The following GEMIN8 variants were observed in gnomAD, a reference collection of about 807,000 sequenced individuals.
GEMIN8 encodes gem-associated protein 8.
For synonymous variants in GEMIN8, 80 were observed against 78.5 expected (o/e 1.02, Z -0.10); for missense variants, 185 against 205.9 (o/e 0.90, Z 0.62).
intron 4 of GEMIN8, among the ~76,000 whole-genome samples, chrX:14,011,529 T>C (rs1407643098): frequency 5.4e-5 from 5 of 91,874 alleles, no homozygotes; most frequent in African/African-American, 2.1e-4. Flanking sequence ...TTTTTTTTTT[T>C]TTTTTTTTTT....
At chrX:13,991,712 G>GCA in the GEMIN8 span, among the ~76,000 whole-genome samples, 1 of 97,548 alleles carries the variant, frequency 1.0e-5, no homozygotes, top group Admixed American at 1.1e-4. Flanking sequence ...TGACATACAC[G>GCA]CACACACACA....
intron 4 of GEMIN8, chrX:14,014,202 C>A: frequency 1.3e-6 from 1 of 751,666 alleles, no homozygotes; most frequent in Non-Finnish European, 1.6e-6. Context: ...ACTAGTACAT[C>A]TTTCTGATTA....
chrX:14,009,055 C>G lies in GEMIN8; in HGVS notation c.587G>C (p.Arg196Pro). The change falls in exon 5 of 5, where the codon CGG (arginine) becomes CCG (proline). Residue 196 changes from arginine to proline, a missense_variant. Coordinates refer to ENST00000680255, the MANE Select transcript of GEMIN8 (RefSeq NM_001042479.2). ...VEAPTERPGE[R>P]RQAEMKRLYG... is the part of the protein sequence containing the mutation. The stretch of plus-strand genomic sequence containing the variant: ...CAAACGCTTCATCTCGGCCTGGCGC[C>G]GCTCACCAGGCCTCTCAGTTGGGGC... 2 of 1,211,861 alleles carry G rather than the reference C, an allele frequency of 1.7e-6. No individual in the cohort carries two copies. The highest frequency in any genetic ancestry group is 2.2e-6 in the Non-Finnish European group (2 of 895,245).
chrX:13,997,027 C>T, the GEMIN8 span, among the ~76,000 whole-genome samples: 8 of 106,161 alleles, frequency 7.5e-5, no homozygotes, highest in South Asian at 8.9e-4. Flanking sequence ...CTGCAACCTC[C>T]ACCTCCCGGG....
At chrX:14,026,465 T>G in intron 1 of GEMIN8, 8 of 634,415 alleles carry the variant, frequency 1.3e-5, no homozygotes, top group Non-Finnish European at 1.5e-5. Context: ...TTGAATGATA[T>G]ATTTTTCCAT....
chrX:14,017,754 CCT>C (rs1924030403), intron 4 of GEMIN8, among the ~76,000 whole-genome samples: 1 of 111,918 alleles, frequency 8.9e-6, no homozygotes, highest in African/African-American at 3.3e-5. Context: ...CGGATTTTGC[CCT>C]TTTTATAAGG....
the GEMIN8 span, among the ~76,000 whole-genome samples, chrX:13,985,513 G>A: frequency 7.1e-5 from 8 of 112,004 alleles, no homozygotes; most frequent in Middle Eastern, 0.014. Flanking sequence ...ACTTCCTTAC[G>A]TTCTTAATAT....
chrX:13,990,314 C>T, the GEMIN8 span, among the ~76,000 whole-genome samples: 10 of 112,550 alleles, frequency 8.9e-5, no homozygotes, highest in South Asian at 3.3e-3. Context: ...TGTTGTTGAG[C>T]GCATCTGCTC....
chrX:14,008,617 C>T lies in GEMIN8; in HGVS notation c.*296G>A. On this transcript the variant is annotated 3_prime_UTR_variant, in exon 5 of 5. Coordinates refer to ENST00000680255, the MANE Select transcript of GEMIN8 (RefSeq NM_001042479.2). The stretch of plus-strand genomic sequence containing the variant: ...AAAAGCAAAACACCAGGCAGTATCT[C>T]TAGGCAAGAACGTTAATGAATTGAA... 1 of 310,861 alleles carries T rather than the reference C, an allele frequency of 3.2e-6. No homozygotes were observed. The allele number at this position is 310,861 out of a possible 1,213,427, so 25.6% of individuals were successfully genotyped here.
chrX:14,001,824 C>T (rs1046634792), downstream of GEMIN8, among the ~76,000 whole-genome samples: 1 of 102,692 alleles, frequency 9.7e-6, no homozygotes, highest in Admixed American at 1.0e-4. Flanking sequence ...ACATGTGCTT[C>T]TTAAAAGTCC....
chrX:14,008,458 C>T lies in GEMIN8; in HGVS notation c.*455G>A, dbSNP rs1316475446. 1 of 125,128 alleles carries T rather than the reference C, an allele frequency of 8.0e-6. No homozygotes were observed. The highest frequency in any genetic ancestry group is 8.6e-5 in the Admixed American group (1 of 11,618). The allele number at this position is 125,128 out of a possible 1,213,427, so 10.3% of individuals were successfully genotyped here. On this transcript the variant is annotated 3_prime_UTR_variant, in exon 5 of 5. Transcript: ENST00000680255. ...ATAGAACATGCATCCCTCTCCACTA[C>T]AGGTAGTGGTATTTGTCTCACTACA...
intron 1 of GEMIN8, chrX:14,026,496 G>A: frequency 2.4e-6 from 1 of 412,646 alleles, no homozygotes; most frequent in South Asian, 1.2e-4. Context: ...TTAAAAAACG[G>A]ATTTACACTT....
intron 4 of GEMIN8, 72 bp downstream of exon 4, chrX:14,020,006 T>C: frequency 1.8e-6 from 1 of 569,425 alleles, no homozygotes; most frequent in East Asian, 3.3e-5. Context: ...AATTACTTTA[T>C]ATATTAGAGA....
chrX:14,004,766 T>C (rs780733909), downstream of GEMIN8, among the ~76,000 whole-genome samples: 6 of 111,783 alleles, frequency 5.4e-5, no homozygotes, highest in Non-Finnish European at 9.4e-5. Context: ...TTTCACCATA[T>C]TGGCCAGGCT....
At chrX:14,016,675 T>C (rs1285738862) in intron 4 of GEMIN8, among the ~76,000 whole-genome samples, 2 of 105,071 alleles carry the variant, frequency 1.9e-5, no homozygotes. Flanking sequence ...TGAAACACCA[T>C]CTCTACTACT....
the GEMIN8 span, among the ~76,000 whole-genome samples, chrX:13,995,103 C>T: frequency 9.0e-6 from 1 of 111,439 alleles, no homozygotes; most frequent in Non-Finnish European, 1.9e-5. Context: ...TATAGGAAAA[C>T]CTCCTCTTCT....
At chrX:14,000,747 G>A in the GEMIN8 span, among the ~76,000 whole-genome samples, 1 of 111,659 alleles carries the variant, frequency 9.0e-6, no homozygotes, top group Non-Finnish European at 1.9e-5. Context: ...TCATTTATCA[G>A]TATAGACTCA....
intron 4 of GEMIN8, among the ~76,000 whole-genome samples, chrX:14,018,173 G>A (rs1924057967): frequency 8.9e-6 from 1 of 112,086 alleles, no homozygotes; most frequent in Non-Finnish European, 1.9e-5. Flanking sequence ...TGACTTAGCA[G>A]GTAATTTTCA....
At position 14,007,677 on chromosome X, in the gene GEMIN8, G is replaced by A. The variant is rs186780221; in HGVS notation, c.*1236C>T. Among the ~76,000 whole-genome samples the A allele has an allele frequency of 0.031, 3,375 of 108,527 alleles. 162 individuals are homozygous for A. Among genetic ancestry groups the A allele is most frequent in the African/African-American group, 0.11 (3,166 of 29,627 alleles). The allele number at this position is 108,527 out of a possible 115,157, so 94.2% of individuals were successfully genotyped here. On this transcript the variant is annotated 3_prime_UTR_variant, in exon 5 of 5. Coordinates refer to ENST00000680255, the MANE Select transcript of GEMIN8 (RefSeq NM_001042479.2). ...CAAGTAGCTGGGACTACAGGTGCCC[G>A]CCACCACGCCCGGCTAATTTTTTGT...
Sources: gnomAD v4.1 joint callset for allele counts (sites outside exome capture counted in the v4.1 genomes callset) on GRCh38, gnomAD v4.1.1 for gene constraint, MANE v1.5 for transcripts, NCBI Gene and HGNC (gene_info 2026-07-23, HGNC 2026-07-21) for gene names.